The following C12orf76 variants were observed in gnomAD, a reference collection of about 807,000 sequenced individuals.
The protein encoded by C12orf76 is chromosome 12 open reading frame 76, also known as uncharacterized protein C12orf76.
Under a neutral mutation model 6.8 loss-of-function variants are expected in C12orf76, and 6 were observed. That is an observed-to-expected ratio of 0.88 (90% CI 0.48 to 1.73). The LOEUF (loss-of-function observed/expected upper bound fraction) is 1.73, where lower values mean the gene tolerates loss of function less well. Ranked by LOEUF, C12orf76 falls within the 40% of genes most tolerant of loss-of-function variation. The probability of loss-of-function intolerance (pLI) is 0.01; values close to 1 mark genes in which losing one functional copy is unlikely to be tolerated. For synonymous variants in C12orf76, 56 were observed against 43.7 expected (o/e 1.28, Z -1.11); for missense variants, 99 against 98.2 (o/e 1.01, Z -0.03).
upstream of C12orf76, among the ~76,000 whole-genome samples, chr12:110,068,324 A>G (rs374666250): frequency 2.3e-4 from 31 of 137,272 alleles, no homozygotes; most frequent in South Asian, 1.6e-3. Context: ...AAGAAGAAGA[A>G]GAAGAAGGCG....
At chr12:110,064,967 A>G (rs1399519162) in intron 2 of C12orf76, among the ~76,000 whole-genome samples, 1 of 152,218 alleles carries the variant, frequency 6.6e-6, no homozygotes, top group African/African-American at 2.4e-5. Context: ...ATAGCCATTC[A>G]TTTGAAAAAA....
intron 1 of C12orf76, chr12:110,066,104 A>T: frequency 7.0e-7 from 1 of 1,420,984 alleles, no homozygotes; most frequent in Non-Finnish European, 9.2e-7. Context: ...GGTCAGGGGC[A>T]GGCCGGGCGC....
upstream of C12orf76, among the ~76,000 whole-genome samples, chr12:110,052,661 A>T (rs530391721): frequency 1.3e-5 from 2 of 152,190 alleles, no homozygotes; most frequent in African/African-American, 4.8e-5. Context: ...TTACTCATTC[A>T]GTTTATTTAT....
At position 110,059,156 on chromosome 12, in the gene C12orf76, G is replaced by A. The variant is rs920505195; in HGVS notation, n.388C>T. The A allele has an allele frequency of 5.2e-6, 8 of 1,544,668 alleles. No individual in the cohort carries two copies. In the Admixed American group the frequency reaches 1.2e-4, roughly 24 times the overall value. On this transcript the variant is annotated non_coding_transcript_exon_variant, in exon 3 of 5. Transcript: ENST00000309050. ...TATTTTTCCAATTTCCTTTTCAAATGTTCCTTGCTGGTGTAAAAAAAAATG... is the reference window on the plus strand; with the variant it reads ...TATTTTTCCAATTTCCTTTTCAAATATTCCTTGCTGGTGTAAAAAAAAATG...
intron 1 of C12orf76, among the ~76,000 whole-genome samples, chr12:110,072,937 A>G (rs1892977232): frequency 6.7e-6 from 1 of 149,760 alleles, no homozygotes; most frequent in South Asian, 2.1e-4. Context: ...TACAAGAGCG[A>G]GACTTCATCT....
At chr12:110,044,786 C>T (rs1465225808) in intron 1 of C12orf76, among the ~76,000 whole-genome samples, 1 of 152,016 alleles carries the variant, frequency 6.6e-6, no homozygotes, top group African/African-American at 2.4e-5. Context: ...CCAGCCTGAC[C>T]AACATGGAGA....
chr12:110,045,347 A>C (rs933014901), intron 1 of C12orf76, among the ~76,000 whole-genome samples: 1 of 151,380 alleles, frequency 6.6e-6, no homozygotes, highest in African/African-American at 2.4e-5. Flanking sequence ...AATCCCAGTG[A>C]GAGGCCAAGG....
upstream of C12orf76, among the ~76,000 whole-genome samples, chr12:110,072,120 C>T (rs1419357748): frequency 3.9e-5 from 6 of 152,116 alleles, no homozygotes; most frequent in Non-Finnish European, 7.4e-5. Context: ...GAATATTACT[C>T]AGCCATAAAA....
chr12:110,066,089 A>C, intron 1 of C12orf76: 1 of 1,448,122 alleles, frequency 6.9e-7, no homozygotes. Context: ...TATTTCCCCG[A>C]AGATGGTCAG....
intron 2 of C12orf76, among the ~76,000 whole-genome samples, chr12:110,062,062 G>A (rs1286065734): frequency 3.9e-5 from 6 of 151,906 alleles, no homozygotes; most frequent in Non-Finnish European, 7.4e-5. Context: ...TCAGGAGTTC[G>A]AGACCAGTTT....
intron 2 of C12orf76, among the ~76,000 whole-genome samples, chr12:110,064,926 A>G (rs1892833271): frequency 6.6e-6 from 1 of 152,082 alleles, no homozygotes; most frequent in South Asian, 2.1e-4. Flanking sequence ...AAACAAGAAA[A>G]CCAGATACCA....
chr12:110,053,121 G>A (rs563968352), upstream of C12orf76, among the ~76,000 whole-genome samples: 11 of 151,946 alleles, frequency 7.2e-5, no homozygotes, highest in East Asian at 2.1e-3. Context: ...GAAGTCAGGA[G>A]GTGGAGGTTG....
Position 110,042,166 on chromosome 12 carries a change from C to T in C12orf76, c.*208G>A, listed in dbSNP as rs919756483. On this transcript the variant is annotated 3_prime_UTR_variant, in exon 2 of 2. Coordinates refer to ENST00000615315, the MANE Select transcript of C12orf76 (RefSeq NM_001389625.1). ...AAGTACAGTCAGAAACACTGAGAAG[C>T]GGACTCAGGGGCCAATTATTTGCGC... is the stretch of plus-strand genomic sequence containing the variant. The T allele has an allele frequency of 2.1e-5, 12 of 578,982 alleles. No individual in the cohort carries two copies. The highest frequency in any genetic ancestry group is 8.9e-5 in the Admixed American group (3 of 33,794). The allele number at this position is 578,982 out of a possible 1,614,324, so 35.9% of individuals were successfully genotyped here.
intron 3 of C12orf76, chr12:110,058,852 TA>T: frequency 1.0e-6 from 1 of 1,003,032 alleles, no homozygotes; most frequent in Non-Finnish European, 1.4e-6. Context: ...TTGGTAACCC[TA>T]ATATGTCCTT....
At chr12:110,070,914 A>G (rs930103514), upstream of C12orf76, among the ~76,000 whole-genome samples, 1 of 152,164 alleles carries the variant, frequency 6.6e-6, no homozygotes, top group African/African-American at 2.4e-5. Context: ...AGCTGGAATT[A>G]TAGACACACA....
In C12orf76 at chr12:110,066,603, G is replaced by A. The variant is rs536268484; in HGVS notation, n.207-570C>T. ...CTCGGGAGGCTGAAGCAAGAGAATC[G>A]CTTGAACCCGGGAGGCGGAGGTTGC... On this transcript the variant is annotated intron_variant and non_coding_transcript_variant, in intron 1 of 4. Coordinates refer to the C12orf76 transcript ENST00000309050. 1.8e-4 allele frequency among the ~76,000 whole-genome samples: 27 copies of A among 152,022 alleles called. No individual in the cohort carries two copies. In the South Asian group the frequency reaches 3.1e-3, roughly 18 times the overall value.
chr12:110,069,300 C>A (rs368276960), upstream of C12orf76, among the ~76,000 whole-genome samples: 25 of 152,184 alleles, frequency 1.6e-4, no homozygotes, highest in African/African-American at 6.0e-4. Context: ...ATTAGCGGGA[C>A]ATGGTGGCGG....
At chr12:110,063,906 CAAAA>C (rs1892818074) in intron 2 of C12orf76, among the ~76,000 whole-genome samples, 1 of 152,050 alleles carries the variant, frequency 6.6e-6, no homozygotes, top group South Asian at 2.1e-4. Flanking sequence ...GACTCTGTCT[CAAAA>C]CAAACAAACA....
chr12:110,064,041 C>T (rs923604025), intron 2 of C12orf76, among the ~76,000 whole-genome samples: 5 of 152,158 alleles, frequency 3.3e-5, no homozygotes, highest in East Asian at 3.9e-4. Context: ...TAGTTTCCAC[C>T]GCTGTGTAAC....
Sources: allele counts gnomAD v4.1 joint callset (sites outside exome capture counted in the v4.1 genomes callset), GRCh38; gene constraint gnomAD v4.1.1; transcripts MANE v1.5; gene names NCBI Gene and HGNC (gene_info 2026-07-23, HGNC 2026-07-21).